FBXL7: variants seen among roughly 807,000 people sequenced by gnomAD.
The protein encoded by FBXL7 is F-box and leucine rich repeat protein 7.
Under a neutral mutation model 38.3 loss-of-function variants are expected in FBXL7, and 12 were observed. The ratio of observed to expected loss-of-function variants is 0.31; its 90% CI spans 0.20 to 0.51. FBXL7 has a LOEUF of 0.51. FBXL7 is among the 20% of genes least tolerant of loss of function. The pLI, the probability that FBXL7 is intolerant of heterozygous loss-of-function variation, is 0.98. For synonymous variants in FBXL7, 297 were observed against 300.9 expected, an observed-to-expected ratio of 0.99 and a Z score of 0.13; for missense variants, 567 against 676.4, an observed-to-expected ratio of 0.84 and a Z score of 1.79.
intron 2 of FBXL7, among the ~76,000 whole-genome samples, chr5:15,665,065 T>C (rs1341370306): frequency 6.6e-6 from 1 of 152,178 alleles, no homozygotes; most frequent in Non-Finnish European, 1.5e-5. Flanking sequence ...CTTCAGTATG[T>C]TGAGGTACTT....
At position 15,925,975 on chromosome 5, in the gene FBXL7, G is replaced by A. The variant is rs180704877; in HGVS notation, c.128-1915G>A. Reference sequence around the variant, plus strand: ...TATTCAACACTTCATTATAAAATAGGCTCTATGTTAAATGACTTTGTTACT... The same window carrying A: ...TATTCAACACTTCATTATAAAATAGACTCTATGTTAAATGACTTTGTTACT... On this transcript the variant is annotated intron_variant, in intron 2 of 3. Transcript: ENST00000504595. Among the ~76,000 whole-genome samples, 8 of 152,212 alleles carry A rather than the reference G, an allele frequency of 5.3e-5. No homozygotes were observed. The East Asian group carries it at 1.4e-3, about 26-fold the overall frequency.
At chr5:15,501,662 G>T (rs576815073) in intron 1 of FBXL7, 2 of 985,486 alleles carry the variant, frequency 2.0e-6, no homozygotes, top group South Asian at 9.4e-5. Context: ...TAGCTATTCA[G>T]CCTGTGGCCT....
intron 1 of FBXL7, among the ~76,000 whole-genome samples, chr5:15,570,719 C>T (rs942927650): frequency 2.0e-5 from 3 of 152,208 alleles, no homozygotes; most frequent in East Asian, 1.9e-4. Context: ...ACACACGGCT[C>T]GGCCTGGACT....
At position 15,855,314 on chromosome 5, in the gene FBXL7, T is replaced by C. The variant is rs150484449; in HGVS notation, c.128-72576T>C. Among the ~76,000 whole-genome samples the C allele has an allele frequency of 3.9e-5, 6 of 152,316 alleles. No homozygotes were observed. In the East Asian group the frequency reaches 1.2e-3, roughly 29 times the overall value. The stretch of plus-strand genomic sequence containing the variant: ...TTACATCTGAAAAATAGACACTTGA[T>C]GCTGAGGTGCTTTTACCCTTTCAGA... On this transcript the variant is annotated intron_variant, in intron 2 of 3. Coordinates refer to ENST00000504595, the MANE Select transcript of FBXL7 (RefSeq NM_012304.5).
Position 15,937,341 on chromosome 5 carries a change from T to A in FBXL7, c.*155T>A. 1.0e-6 allele frequency: 1 copy of A among 970,368 alleles called. No homozygotes were observed. The highest frequency in any genetic ancestry group is 1.5e-6 in the Non-Finnish European group (1 of 680,532). The allele number at this position is 970,368 out of a possible 1,614,324, so 60.1% of individuals were successfully genotyped here. On this transcript the variant is annotated 3_prime_UTR_variant, in exon 4 of 4. Coordinates refer to ENST00000504595, the MANE Select transcript of FBXL7 (RefSeq NM_012304.5). Reference sequence around the variant, plus strand: ...GGCCTTTATTTTTCCTCATTTCTCATGGGCAACAGAGGCCAAAGAAACGAA... The same window carrying A: ...GGCCTTTATTTTTCCTCATTTCTCAAGGGCAACAGAGGCCAAAGAAACGAA...
At chr5:15,762,866 A>G (rs1736487310) in intron 2 of FBXL7, among the ~76,000 whole-genome samples, 1 of 152,182 alleles carries the variant, frequency 6.6e-6, no homozygotes, top group African/African-American at 2.4e-5. Context: ...AGCCTTGATA[A>G]TTTATGACCC....
intron 2 of FBXL7, among the ~76,000 whole-genome samples, chr5:15,859,719 C>T (rs1250934444): frequency 6.6e-6 from 1 of 152,110 alleles, no homozygotes; most frequent in Non-Finnish European, 1.5e-5. Flanking sequence ...CCCATCAGGT[C>T]CCTCCCACGA....
Position 15,611,301 on chromosome 5 carries a change from T to C in FBXL7, c.38-4682T>C, listed in dbSNP as rs544943964. Among the ~76,000 whole-genome samples, 356 of 150,006 alleles carry C rather than the reference T, an allele frequency of 2.4e-3. 1 individual carries two copies. Among genetic ancestry groups the C allele is most frequent in the African/African-American group, 8.4e-3 (341 of 40,612 alleles). ...TGCACAGTGTTCTTTTTGGGGTCCA[T>C]GTTTTGCCACTTTTTTTTTTTTTTT... On this transcript the variant is annotated intron_variant, in intron 1 of 3. Transcript: ENST00000504595.
intron 2 of FBXL7, among the ~76,000 whole-genome samples, chr5:15,760,383 A>G (rs1456273398): frequency 1.3e-5 from 2 of 151,812 alleles, no homozygotes; most frequent in African/African-American, 2.4e-5. Context: ...CATCTACCAT[A>G]TATAACACAA....
intron 1 of FBXL7, among the ~76,000 whole-genome samples, chr5:15,555,696 C>T (rs376838092): frequency 1.3e-5 from 2 of 151,990 alleles, no homozygotes; most frequent in East Asian, 3.9e-4. Flanking sequence ...CATTGCAGTC[C>T]TCTGGTTAGG....
At chr5:15,676,349 A>T (rs1742654709) in intron 2 of FBXL7, among the ~76,000 whole-genome samples, 1 of 152,210 alleles carries the variant, frequency 6.6e-6, no homozygotes, top group Admixed American at 6.5e-5. Flanking sequence ...CGATTGGCTA[A>T]AAGTTTTTCT....
At chr5:15,857,016 A>T (rs1176932991) in intron 2 of FBXL7, among the ~76,000 whole-genome samples, 1 of 152,206 alleles carries the variant, frequency 6.6e-6, no homozygotes, top group Non-Finnish European at 1.5e-5. Flanking sequence ...GACTAAAAGT[A>T]TGAACCCATT....
intron 2 of FBXL7, among the ~76,000 whole-genome samples, chr5:15,795,150 A>G (rs980476946): frequency 9.2e-5 from 14 of 152,104 alleles, no homozygotes; most frequent in African/African-American, 3.1e-4. Flanking sequence ...TTGTTTTTCT[A>G]TAGCCTTCTC....
intron 2 of FBXL7, among the ~76,000 whole-genome samples, chr5:15,788,584 C>G (rs367771712): frequency 6.6e-6 from 1 of 152,174 alleles, no homozygotes; most frequent in Non-Finnish European, 1.5e-5. Context: ...TGAACCTTAA[C>G]CTTCTTCCAG....
At chr5:15,546,893 T>C (rs1173645590) in intron 1 of FBXL7, among the ~76,000 whole-genome samples, 2 of 152,080 alleles carry the variant, frequency 1.3e-5, no homozygotes, top group Non-Finnish European at 2.9e-5. Flanking sequence ...GGAGAGTGCA[T>C]AGAGGCCTGT....
intron 1 of FBXL7, among the ~76,000 whole-genome samples, chr5:15,571,299 T>G (rs1318458126): frequency 6.6e-6 from 1 of 152,058 alleles, no homozygotes; most frequent in Non-Finnish European, 1.5e-5. Context: ...ATGGCCTCAG[T>G]TAGTCATCCT....
At chr5:15,670,298 G>A (rs1307502074) in intron 2 of FBXL7, among the ~76,000 whole-genome samples, 1 of 151,978 alleles carries the variant, frequency 6.6e-6, no homozygotes, top group African/African-American at 2.4e-5. Flanking sequence ...TTTCATCATC[G>A]ACCATATGAC....
At chr5:15,745,053 C>G (rs1314003240) in intron 2 of FBXL7, among the ~76,000 whole-genome samples, 2 of 151,986 alleles carry the variant, frequency 1.3e-5, no homozygotes, top group Non-Finnish European at 1.5e-5. Flanking sequence ...GGGACATAGC[C>G]AAACTATATC....
intron 3 of FBXL7, among the ~76,000 whole-genome samples, chr5:15,929,550 G>T (rs1741983015): frequency 6.6e-6 from 1 of 151,214 alleles, no homozygotes; most frequent in Admixed American, 6.6e-5. Context: ...CTTGAGCCCA[G>T]GAGTTCGAAG....
Sources: gnomAD v4.1 joint callset for allele counts (sites outside exome capture counted in the v4.1 genomes callset) on GRCh38, gnomAD v4.1.1 for gene constraint, MANE v1.5 for transcripts, NCBI Gene and HGNC (gene_info 2026-07-23, HGNC 2026-07-21) for gene names.